SLC24A2: variants seen among roughly 807,000 people sequenced by gnomAD.
SLC24A2 encodes sodium/potassium/calcium exchanger 2.
Under a neutral mutation model 62.0 loss-of-function variants are expected in SLC24A2, and 36 were observed. The ratio of observed to expected loss-of-function variants is 0.58; its 90% CI spans 0.44 to 0.77. SLC24A2 has a LOEUF of 0.77. Ranked by LOEUF, SLC24A2 falls within the 30% of genes least tolerant of loss-of-function variation. The probability of loss-of-function intolerance (pLI) is 0.00; values close to 1 mark genes in which losing one functional copy is unlikely to be tolerated. For synonymous variants in SLC24A2, 358 were observed against 294.0 expected, an observed-to-expected ratio of 1.22 and a Z score of -2.23; for missense variants, 846 against 817.9, an observed-to-expected ratio of 1.03 and a Z score of -0.42.
At chr9:20,275,704 T>C in the SLC24A2 span, among the ~76,000 whole-genome samples, 3 of 152,306 alleles carry the variant, frequency 2.0e-5, no homozygotes, top group South Asian at 6.2e-4. Context: ...TCCATTTTCA[T>C]ATGGCTATGA....
At chr9:19,589,335 T>G (rs1422547311) in intron 5 of SLC24A2, among the ~76,000 whole-genome samples, 3 of 152,166 alleles carry the variant, frequency 2.0e-5, no homozygotes, top group Non-Finnish European at 4.4e-5. Context: ...TGGAAAGATC[T>G]CCAAGATGCA....
intron 2 of SLC24A2, among the ~76,000 whole-genome samples, chr9:19,688,563 G>T (rs1423083269): frequency 6.6e-6 from 1 of 151,866 alleles, no homozygotes; most frequent in African/African-American, 2.4e-5. Flanking sequence ...CAAAGAAAAA[G>T]AAAAAAGCTG....
intron 4 of SLC24A2, among the ~76,000 whole-genome samples, chr9:19,613,702 A>G (rs1199853690): frequency 6.6e-6 from 1 of 152,160 alleles, no homozygotes; most frequent in Non-Finnish European, 1.5e-5. Context: ...TGGTCCAGGG[A>G]TAGGTCAGAG....
intron 2 of SLC24A2, among the ~76,000 whole-genome samples, chr9:19,664,901 A>G (rs1819204920): frequency 6.6e-6 from 1 of 152,214 alleles, no homozygotes; most frequent in African/African-American, 2.4e-5. Context: ...CCTTGATGTC[A>G]GACTTCTAGC....
the SLC24A2 span, among the ~76,000 whole-genome samples, chr9:19,983,536 G>A: frequency 2.0e-5 from 3 of 152,066 alleles, no homozygotes; most frequent in South Asian, 2.1e-4. Flanking sequence ...CCAGCTGCTC[G>A]GGAGGCTGAG....
At chr9:19,929,119 A>G in the SLC24A2 span, 2 of 152,214 alleles carry the variant, frequency 1.3e-5, no homozygotes, top group African/African-American at 2.4e-5. Flanking sequence ...AATAACCTGT[A>G]TGCCCCCAAA....
At chr9:20,031,611 T>A in the SLC24A2 span, among the ~76,000 whole-genome samples, 2 of 152,184 alleles carry the variant, frequency 1.3e-5, no homozygotes, top group Non-Finnish European at 2.9e-5. Flanking sequence ...CACCAATGTC[T>A]ATCACAGAGT....
At chr9:19,533,966 G>A (rs1358289492) in intron 8 of SLC24A2, among the ~76,000 whole-genome samples, 1 of 151,910 alleles carries the variant, frequency 6.6e-6, no homozygotes, top group Non-Finnish European at 1.5e-5. Context: ...AACTGGGACC[G>A]TCCTGGGTAA....
At chr9:20,188,000 C>A in the SLC24A2 span, among the ~76,000 whole-genome samples, 1 of 152,154 alleles carries the variant, frequency 6.6e-6, no homozygotes, top group African/African-American at 2.4e-5. Context: ...TCTCTGAAGC[C>A]CCAACAATAG....
the SLC24A2 span, among the ~76,000 whole-genome samples, chr9:20,172,237 C>A: frequency 6.6e-6 from 1 of 151,932 alleles, no homozygotes; most frequent in East Asian, 1.9e-4. Context: ...GCCCTAAATG[C>A]CTACATCAAA....
chr9:20,118,831 G>T, the SLC24A2 span, among the ~76,000 whole-genome samples: 1 of 152,090 alleles, frequency 6.6e-6, no homozygotes, highest in Admixed American at 6.6e-5. Context: ...TTCATGCCCT[G>T]ATATCATCTT....
the SLC24A2 span, among the ~76,000 whole-genome samples, chr9:19,894,627 T>C: frequency 6.6e-6 from 1 of 152,192 alleles, no homozygotes; most frequent in Admixed American, 6.5e-5. Context: ...TTTCTAATTT[T>C]GAGTAAGCAC....
At chr9:20,302,097 C>T in the SLC24A2 span, among the ~76,000 whole-genome samples, 1 of 152,240 alleles carries the variant, frequency 6.6e-6, no homozygotes, top group African/African-American at 2.4e-5. Context: ...AATAATATTC[C>T]ATTGCATGGA....
the SLC24A2 span, among the ~76,000 whole-genome samples, chr9:20,044,398 A>G: frequency 6.6e-6 from 1 of 152,182 alleles, no homozygotes; most frequent in Non-Finnish European, 1.5e-5. Flanking sequence ...AAAGAGCAGT[A>G]TTTGTGAGCA....
intron 8 of SLC24A2, among the ~76,000 whole-genome samples, chr9:19,545,245 C>T (rs1834492454): frequency 1.3e-5 from 2 of 151,984 alleles, no homozygotes; most frequent in Admixed American, 1.3e-4. Context: ...GTATGCTTCA[C>T]AGAATTCTCA....
chr9:20,092,342 G>C, the SLC24A2 span, among the ~76,000 whole-genome samples: 1 of 152,086 alleles, frequency 6.6e-6, no homozygotes, highest in Non-Finnish European at 1.5e-5. Context: ...TATAAGCTTG[G>C]CCCAACTGTG....
At chr9:19,854,879 T>C in the SLC24A2 span, among the ~76,000 whole-genome samples, 2 of 152,202 alleles carry the variant, frequency 1.3e-5, no homozygotes, top group Non-Finnish European at 2.9e-5. Context: ...TGTCTAATAT[T>C]GACAGTGGGG....
At chr9:20,182,022 A>G in the SLC24A2 span, among the ~76,000 whole-genome samples, 2 of 152,232 alleles carry the variant, frequency 1.3e-5, no homozygotes, top group Non-Finnish European at 2.9e-5. Context: ...CAGACATATG[A>G]AAAAATGCTC....
the SLC24A2 span, among the ~76,000 whole-genome samples, chr9:20,213,330 T>A: frequency 9.9e-3 from 1,497 of 151,848 alleles, 67 homozygotes; most frequent in African/African-American, 0.033. Context: ...GAAGTCAAAT[T>A]ACATCAGACA....
Sources: gnomAD v4.1 joint callset for allele counts (sites outside exome capture counted in the v4.1 genomes callset) on GRCh38, gnomAD v4.1.1 for gene constraint, MANE v1.5 for transcripts, NCBI Gene and HGNC (gene_info 2026-07-23, HGNC 2026-07-21) for gene names.